The following IL1RL1 variants were observed in gnomAD, a reference collection of about 807,000 sequenced individuals.
IL1RL1 encodes interleukin 1 receptor like 1.
IL1RL1 carries 32 observed loss-of-function variants against 50.9 expected under a neutral mutation model. The ratio of observed to expected loss-of-function variants is 0.63; its 90% CI spans 0.47 to 0.84. IL1RL1 has a LOEUF of 0.84. Ranked by LOEUF, IL1RL1 falls within the 40% of genes least tolerant of loss-of-function variation. The pLI is 0.00. For synonymous variants in IL1RL1, 275 were observed against 236.0 expected (o/e 1.17, Z -1.51); for missense variants, 773 against 662.9 (o/e 1.17, Z -1.82).
chr2:102,347,174 G>A (rs548229941), intron 8 of IL1RL1, among the ~76,000 whole-genome samples: 11 of 152,314 alleles, frequency 7.2e-5, no homozygotes, highest in African/African-American at 2.6e-4. Flanking sequence ...ACCCGTTGAT[G>A]CCTTCTCCTT....
At chr2:102,343,773 C>A in intron 8 of IL1RL1, 1 of 1,144,904 alleles carries the variant, frequency 8.7e-7, no homozygotes, top group South Asian at 2.7e-5. Flanking sequence ...TTCTTTTGTG[C>A]TCTTTTATAA....
chr2:102,319,930 C>A (rs533066386), intron 1 of IL1RL1, among the ~76,000 whole-genome samples: 5 of 152,276 alleles, frequency 3.3e-5, no homozygotes, highest in Non-Finnish European at 7.4e-5. Flanking sequence ...CTCCAGCAGT[C>A]CTCCCACCTC....
chr2:102,333,918 T>G (rs1344846022), intron 1 of IL1RL1, among the ~76,000 whole-genome samples: 1 of 152,122 alleles, frequency 6.6e-6, no homozygotes, highest in Non-Finnish European at 1.5e-5. Context: ...ATAATCTCAT[T>G]CTTTTTATGG....
Position 102,351,773 on chromosome 2 carries a change from G to T in IL1RL1, c.1523G>T (p.Gly508Val). 8.1e-6 allele frequency: 13 copies of T among 1,614,044 alleles called. No homozygotes were observed. Among genetic ancestry groups the T allele is most frequent in the Non-Finnish European group, 1.1e-5 (13 of 1,179,990 alleles). The change falls in exon 11 of 11, where the codon GGG (glycine) becomes GTG (valine). Residue 508 changes from glycine to valine, a missense_variant. By Grantham distance (109) the Gly-to-Val change is moderately radical. Transcript: ENST00000233954. ...DSLQHLMKVQGTIKWREDHIA... is the reference protein window; with the variant it reads ...DSLQHLMKVQVTIKWREDHIA... ...CTCCAGCATCTTATGAAAGTACAGG[G>T]GACCATCAAGTGGAGGGAGGACCAC...
intron 10 of IL1RL1, among the ~76,000 whole-genome samples, 160 bp from the exon 11 acceptor site, chr2:102,351,376 C>G (rs771630642): frequency 3.3e-5 from 5 of 152,120 alleles, no homozygotes; most frequent in Non-Finnish European, 1.5e-5. Context: ...AAGAACAAAA[C>G]GGGTTCTCTA....
rs756588383 is a variant in IL1RL1, at chr2:102,340,103, C to T, written c.278C>T (p.Thr93Ile). The T allele has an allele frequency of 1.3e-6, 2 of 1,515,518 alleles. No individual in the cohort carries two copies. Among genetic ancestry groups the T allele is most frequent in the Middle Eastern group, 1.8e-4 (1 of 5,558 alleles). 93.9% of individuals were successfully genotyped at this position (1,515,518 alleles called of 1,614,324 possible). A position where few individuals can be genotyped will look rare whatever the true frequency, so the allele number is the denominator to read the frequency against. Residue 93 changes from threonine to isoleucine, a missense_variant, in exon 4 of 11, where the codon ACA (threonine) becomes ATA (isoleucine). By Grantham distance (89) the Thr-to-Ile change is moderately conservative. Coordinates refer to ENST00000233954, the MANE Select transcript of IL1RL1 (RefSeq NM_016232.5). ...GIYTCIVRSP[T>I]FNRTGYANVT... is the part of the protein sequence containing the mutation. Reference sequence around the variant, plus strand: ...TGTCTGACTTATTTTAACAGTCCCACATTCAATAGGACTGGATATGCGAAT... The same window carrying T: ...TGTCTGACTTATTTTAACAGTCCCATATTCAATAGGACTGGATATGCGAAT...
In IL1RL1 at chr2:102,346,724, C is replaced by A. The variant is rs111844430; in HGVS notation, c.971-1221C>A. The stretch of plus-strand genomic sequence containing the variant: ...TCTTTGTCAATTTTCACTTTTTCCC[C>A]CCAATTTTGTGTCACATCACCTTGA... On this transcript the variant is annotated intron_variant, in intron 8 of 10. Coordinates refer to ENST00000233954, the MANE Select transcript of IL1RL1 (RefSeq NM_016232.5). Among the ~76,000 whole-genome samples, 509 of 152,270 alleles carry A rather than the reference C, an allele frequency of 3.3e-3. 10 individuals carry two copies. In the South Asian group the frequency reaches 0.063, roughly 19 times the overall value.
intron 1 of IL1RL1, among the ~76,000 whole-genome samples, chr2:102,317,415 C>T (rs567015672): frequency 6.6e-6 from 1 of 152,204 alleles, no homozygotes; most frequent in African/African-American, 2.4e-5. Context: ...AACAATATTA[C>T]ACTGTTACAG....
intron 10 of IL1RL1, among the ~76,000 whole-genome samples, chr2:102,351,111 G>A (rs1032427448): frequency 6.6e-6 from 1 of 152,304 alleles, no homozygotes; most frequent in Admixed American, 6.5e-5. Flanking sequence ...GAGGGGCAAA[G>A]CTTCCTGAGT....
chr2:102,344,447 CATGTA>C, intron 8 of IL1RL1: 1 of 720,648 alleles, frequency 1.4e-6, no homozygotes, highest in South Asian at 6.2e-5. Flanking sequence ...TGTTATTCAC[CATGTA>C]ATTCAGGTAC....
Position 102,342,263 on chromosome 2 carries a change from T to A in IL1RL1, c.651T>A (p.Pro217=). 1 of 1,611,848 alleles carries A rather than the reference T, an allele frequency of 6.2e-7. No homozygotes were observed. The highest frequency in any genetic ancestry group is 8.5e-7 in the Non-Finnish European group (1 of 1,178,074). The change falls in exon 6 of 11, where the codon CCT becomes CCA. Residue 217 remains proline (P), a synonymous_variant. Transcript: ENST00000233954. ...CTCTGTTTCCAGTAATCGGAGCCCC[T>A]GCACAAAATGAAATAAAGGAAGTGG... ...GFSLFPVIGA[P]AQNEIKEVEI...
At chr2:102,341,120 A>G (rs921599196) in intron 5 of IL1RL1, 4 of 950,234 alleles carry the variant, frequency 4.2e-6, no homozygotes, top group Non-Finnish European at 5.3e-6. Context: ...TGCTAACTTA[A>G]CTTACTTTTT....
intron 1 of IL1RL1, among the ~76,000 whole-genome samples, chr2:102,326,014 A>G (rs1171891834): frequency 8.5e-5 from 13 of 152,092 alleles, no homozygotes; most frequent in Admixed American, 5.2e-4. Context: ...CCACAAAGAT[A>G]CTCCTTGAGA....
At chr2:102,335,900 G>A (rs17026974) in intron 1 of IL1RL1, among the ~76,000 whole-genome samples, 33,332 of 151,996 alleles carry the variant, frequency 0.22, 4,398 homozygotes, top group East Asian at 0.39. Flanking sequence ...CTGATAAAAC[G>A]GACTTCCACA....
chr2:102,345,727 A>G, intron 8 of IL1RL1: 2 of 985,350 alleles, frequency 2.0e-6, no homozygotes, highest in South Asian at 4.7e-5. Flanking sequence ...ACTCATGTAG[A>G]TGGCTATAAG....
intron 1 of IL1RL1, among the ~76,000 whole-genome samples, chr2:102,312,056 TA>T (rs1676530800): frequency 6.5e-5 from 5 of 76,892 alleles, no homozygotes; most frequent in Non-Finnish European, 9.7e-5. Flanking sequence ...ATATATAATA[TA>T]TATAACATTA....
intron 1 of IL1RL1, among the ~76,000 whole-genome samples, chr2:102,319,086 G>T (rs1676762265): frequency 6.6e-6 from 1 of 152,048 alleles, no homozygotes. Context: ...ATATCTTCCT[G>T]GTGGTTAGAA....
At chr2:102,348,705 T>C (rs1230944500) in intron 9 of IL1RL1, among the ~76,000 whole-genome samples, 1 of 152,200 alleles carries the variant, frequency 6.6e-6, no homozygotes, top group Non-Finnish European at 1.5e-5. Context: ...CTTGCTACTA[T>C]TAGCTTTAAA....
intron 1 of IL1RL1, chr2:102,337,342 G>A (rs1481669278): frequency 1.3e-5 from 2 of 152,198 alleles, no homozygotes; most frequent in Non-Finnish European, 2.9e-5. Context: ...GTTTGGGTAA[G>A]CATCAATTAC....
Sources: allele counts gnomAD v4.1 joint callset (sites outside exome capture counted in the v4.1 genomes callset), GRCh38; gene constraint gnomAD v4.1.1; transcripts MANE v1.5; gene names NCBI Gene and HGNC (gene_info 2026-07-23, HGNC 2026-07-21).